Variants in ITPK1 observed in about 807,000 individuals in gnomAD.
ITPK1 encodes the protein inositol 1,3,4-trisphosphate 5/6-kinase.
In ITPK1, 21 loss-of-function variants were observed where a neutral mutation model predicts 45.3. The ratio of observed to expected loss-of-function variants is 0.46; its 90% confidence interval spans 0.33 to 0.67. The LOEUF (loss-of-function observed/expected upper bound fraction) is 0.67. ITPK1 is among the 30% of genes least tolerant of loss of function. The pLI is 0.02. For synonymous variants in ITPK1, 258 were observed against 253.6 expected (o/e 1.02, Z -0.16); for missense variants, 474 against 573.5 (o/e 0.83, Z 1.77).
intron 2 of ITPK1, among the ~76,000 whole-genome samples, chr14:93,113,938 G>A (rs2140044236): frequency 6.6e-6 from 1 of 152,346 alleles, no homozygotes; most frequent in East Asian, 1.9e-4. Context: ...GGCACACAGA[G>A]GTGCTGCCAG....
chr14:93,050,749 G>A (rs1310753902), intron 3 of ITPK1, among the ~76,000 whole-genome samples: 4 of 151,958 alleles, frequency 2.6e-5, no homozygotes, highest in South Asian at 4.2e-4. Context: ...GCCAAGTCAC[G>A]GGACCTCAGT....
intron 2 of ITPK1, among the ~76,000 whole-genome samples, chr14:93,078,346 G>C (rs1396908435): frequency 6.6e-6 from 1 of 152,170 alleles, no homozygotes; most frequent in African/African-American, 2.4e-5. Flanking sequence ...CCTTCTGATA[G>C]CAAGGCACTG....
chr14:92,970,708 T>C (rs752426389), intron 5 of ITPK1, among the ~76,000 whole-genome samples: 1 of 151,878 alleles, frequency 6.6e-6, no homozygotes, highest in Non-Finnish European at 1.5e-5. Context: ...CGATCTCTGC[T>C]CACTGCAAGC....
intron 5 of ITPK1, among the ~76,000 whole-genome samples, chr14:92,985,758 G>T (rs1355872071): frequency 6.6e-6 from 1 of 152,002 alleles, no homozygotes; most frequent in African/African-American, 2.4e-5. Context: ...AATGCAAGTT[G>T]AGAAACACAG....
At chr14:93,050,384 G>C (rs1889954258) in intron 3 of ITPK1, among the ~76,000 whole-genome samples, 1 of 152,152 alleles carries the variant, frequency 6.6e-6, no homozygotes, top group East Asian at 1.9e-4. Context: ...GGGAGGCCCT[G>C]CTGCCACACA....
chr14:93,087,230 T>TACA (rs1425532952), intron 2 of ITPK1, among the ~76,000 whole-genome samples: 1 of 152,234 alleles, frequency 6.6e-6, no homozygotes, highest in Non-Finnish European at 1.5e-5. Flanking sequence ...CCTTGGCTTG[T>TACA]GGCCACAACA....
At chr14:92,945,848 C>T (rs1887658659) in intron 10 of ITPK1, among the ~76,000 whole-genome samples, 1 of 152,200 alleles carries the variant, frequency 6.6e-6, no homozygotes, top group South Asian at 2.1e-4. Flanking sequence ...CTCCCCAGGC[C>T]TCTGCCCGGC....
intron 3 of ITPK1, among the ~76,000 whole-genome samples, chr14:93,051,784 A>G (rs2139931376): frequency 6.6e-6 from 1 of 152,384 alleles, no homozygotes; most frequent in East Asian, 1.9e-4. Context: ...CAAATGTCTC[A>G]GCATGGGGAA....
intron 2 of ITPK1, among the ~76,000 whole-genome samples, chr14:93,084,113 C>T (rs1243171455): frequency 2.6e-5 from 4 of 152,204 alleles, no homozygotes; most frequent in East Asian, 1.9e-4. Context: ...CTGCCAGCAC[C>T]GAGGCCTCCC....
chr14:93,029,514 C>T (rs1888924944), intron 3 of ITPK1, among the ~76,000 whole-genome samples: 1 of 152,140 alleles, frequency 6.6e-6, no homozygotes, highest in Admixed American at 6.5e-5. Flanking sequence ...CCGAGCCACC[C>T]GAGCTTCAGC....
At chr14:92,952,071 C>A in intron 8 of ITPK1, 58 bp from the exon 9 acceptor site, 3 of 1,322,220 alleles carry the variant, frequency 2.3e-6, no homozygotes, top group Non-Finnish European at 2.1e-6. Flanking sequence ...ACCACACTGC[C>A]GCCACCTGAC....
Position 93,036,271 on chromosome 14 carries a change from CCA to C in ITPK1, c.121-19472_121-19471del, listed in dbSNP as rs1361022854. On this transcript the variant is annotated intron_variant, in intron 3 of 10. Transcript: ENST00000267615. The surrounding 1 kb of genome is among the most constrained non-coding windows in gnomAD (Gnocchi z 4.1). The stretch of plus-strand genomic sequence containing the variant: ...AGCAACCAGCCCTGCCCCAGGAGGT[CCA>C]CATGGTGCAGTGGACTGCAATGTCT... Among the ~76,000 whole-genome samples the C allele has an allele frequency of 2.6e-5, 4 of 152,186 alleles. No individual in the cohort carries two copies. The highest frequency in any genetic ancestry group is 9.7e-5 in the African/African-American group (4 of 41,440).
At position 92,966,129 on chromosome 14, in the gene ITPK1, G is replaced by A. The variant is rs1049346377; in HGVS notation, c.365-3280C>T. Among the ~76,000 whole-genome samples the A allele has an allele frequency of 3.3e-5, 5 of 152,138 alleles. No individual in the cohort carries two copies. The East Asian group carries it at 7.7e-4, about 23-fold the overall frequency. ...CTCCCAGGCTCAAGGGATCTTCCCC[G>A]CTCAGCCTTCTGAGTAACTGCACCA... On this transcript the variant is annotated intron_variant, in intron 5 of 10. Coordinates refer to ENST00000267615, the MANE Select transcript of ITPK1 (RefSeq NM_014216.6).
chr14:92,948,643 G>A (rs1394892230), intron 9 of ITPK1, among the ~76,000 whole-genome samples: 1 of 148,412 alleles, frequency 6.7e-6, no homozygotes, highest in Non-Finnish European at 1.5e-5. Flanking sequence ...AGGTGCACCT[G>A]AATTAAAAAA....
At chr14:92,989,435 C>A (rs1886666813) in intron 5 of ITPK1, among the ~76,000 whole-genome samples, 1 of 152,126 alleles carries the variant, frequency 6.6e-6, no homozygotes, top group South Asian at 2.1e-4. Flanking sequence ...CCTGCTGTCC[C>A]TGAAGACAGG....
intron 3 of ITPK1, among the ~76,000 whole-genome samples, chr14:93,021,542 G>A (rs1391798436): frequency 4.6e-5 from 7 of 151,004 alleles, no homozygotes; most frequent in African/African-American, 1.5e-4. Context: ...GCAGTGAGCC[G>A]AGATGATGCC....
intron 9 of ITPK1, among the ~76,000 whole-genome samples, chr14:92,950,972 CAG>C (rs1887928944): frequency 6.6e-6 from 1 of 152,252 alleles, no homozygotes; most frequent in Non-Finnish European, 1.5e-5. Context: ...GCTGGCTCCT[CAG>C]AGGACCCTGA....
chr14:93,057,981 C>T (rs1308180648), intron 3 of ITPK1, among the ~76,000 whole-genome samples: 2 of 152,208 alleles, frequency 1.3e-5, no homozygotes, highest in African/African-American at 4.8e-5. Context: ...CTCCCTGGCC[C>T]GATCTTCCCA....
intron 8 of ITPK1, among the ~76,000 whole-genome samples, chr14:92,952,566 G>A (rs775876383): frequency 6.6e-6 from 1 of 152,186 alleles, no homozygotes; most frequent in Non-Finnish European, 1.5e-5. Flanking sequence ...AGAGAATGTA[G>A]GCTTCCACAG....
Sources: gnomAD v4.1 joint callset for allele counts (sites outside exome capture counted in the v4.1 genomes callset) on GRCh38, gnomAD v4.1.1 for gene constraint, Gnocchi (gnomAD v3.1) non-coding constraint, MANE v1.5 for transcripts, NCBI Gene and HGNC (gene_info 2026-07-23, HGNC 2026-07-21) for gene names.